ARFGEF2: variants seen among roughly 807,000 people sequenced by gnomAD.
The protein encoded by ARFGEF2 is brefeldin A-inhibited guanine nucleotide-exchange protein 2.
A neutral mutation model predicts 219.9 loss-of-function variants in ARFGEF2; 74 were observed. The observed-to-expected ratio is 0.34, with a 90% CI of 0.28 to 0.41. ARFGEF2 has a LOEUF of 0.41. Among genes scored for constraint, ARFGEF2 ranks in the 10% least tolerant of loss-of-function variants. The pLI is 1.00. For synonymous variants in ARFGEF2, 733 were observed against 799.2 expected (o/e 0.92, Z 1.40); for missense variants, 1,743 against 2,218.3 (o/e 0.79, Z 4.30).
chr20:49,027,865 T>A (rs2091612593), intron 36 of ARFGEF2, among the ~76,000 whole-genome samples: 1 of 152,230 alleles, frequency 6.6e-6, no homozygotes, highest in African/African-American at 2.4e-5. Flanking sequence ...CAGTGGCTCA[T>A]GTCTGTAATC....
At chr20:48,933,926 C>T (rs2090930137) in intron 1 of ARFGEF2, among the ~76,000 whole-genome samples, 1 of 151,944 alleles carries the variant, frequency 6.6e-6, no homozygotes, top group Non-Finnish European at 1.5e-5. Flanking sequence ...TCAAGAACTG[C>T]CTGGCCAACA....
chr20:49,026,341 A>G (rs2091602544), intron 36 of ARFGEF2, among the ~76,000 whole-genome samples: 1 of 152,186 alleles, frequency 6.6e-6, no homozygotes, highest in Admixed American at 6.5e-5. Context: ...AGAAAAAAAA[A>G]AGAAATTTTA....
chr20:48,967,379 A>G (rs1165743497), intron 8 of ARFGEF2, among the ~76,000 whole-genome samples: 1 of 152,226 alleles, frequency 6.6e-6, no homozygotes, highest in Admixed American at 6.5e-5. Context: ...CAGTTTTATC[A>G]TAGGAAATGG....
intron 25 of ARFGEF2, chr20:48,999,344 G>A (rs557253932): frequency 4.5e-5 from 17 of 375,902 alleles, no homozygotes; most frequent in African/African-American, 1.9e-4. Flanking sequence ...CTTCTTCCTC[G>A]TTACCAGAAG....
intron 9 of ARFGEF2, among the ~76,000 whole-genome samples, chr20:48,970,833 T>G (rs1355454926): frequency 6.6e-6 from 1 of 152,134 alleles, no homozygotes; most frequent in Admixed American, 6.6e-5. Context: ...ATTCTTGCAG[T>G]ACAGTTGCAG....
At chr20:48,934,332 G>A (rs571386988) in intron 1 of ARFGEF2, among the ~76,000 whole-genome samples, 16 of 151,440 alleles carry the variant, frequency 1.1e-4, no homozygotes, top group South Asian at 2.1e-4. Flanking sequence ...TTCTCCCTCC[G>A]TTTAAAAAAA....
At chr20:48,989,711 A>T in intron 20 of ARFGEF2, 27 bp downstream of exon 20, 1 of 1,613,856 alleles carries the variant, frequency 6.2e-7, no homozygotes, top group Admixed American at 1.7e-5. Context: ...AACACTCCAG[A>T]GATACTGGTG....
chr20:48,994,167 C>T (rs193283411), intron 21 of ARFGEF2, among the ~76,000 whole-genome samples: 2 of 152,222 alleles, frequency 1.3e-5, no homozygotes, highest in East Asian at 3.9e-4. Context: ...AAAGGAGCAA[C>T]AGTGAGGCCA....
chr20:49,031,956 AT>A, intron 37 of ARFGEF2, 92 bp from the exon 38 acceptor site: 1 of 999,130 alleles, frequency 1.0e-6, no homozygotes, highest in East Asian at 2.4e-5. Flanking sequence ...TGTTAAAATA[AT>A]TTTAAAAATA....
chr20:49,032,336 C>T (rs2091640911), intron 38 of ARFGEF2, among the ~76,000 whole-genome samples, 170 bp downstream of exon 38: 1 of 152,048 alleles, frequency 6.6e-6, no homozygotes, highest in Admixed American at 6.6e-5. Context: ...ACAATGGGTG[C>T]CACAGGATAT....
At chr20:48,953,512 T>C in intron 5 of ARFGEF2, 44 bp from the exon 6 acceptor site, 1 of 1,586,284 alleles carries the variant, frequency 6.3e-7, no homozygotes, top group South Asian at 1.1e-5. Flanking sequence ...GCATAATTTT[T>C]CTTCCTTACC....
At chr20:49,012,151 C>T (rs933195494) in intron 28 of ARFGEF2, 67 bp downstream of exon 28, 3 of 1,604,038 alleles carry the variant, frequency 1.9e-6, no homozygotes, top group Non-Finnish European at 2.6e-6. Flanking sequence ...GAAATTCTTG[C>T]TCCTAACAAA....
At chr20:48,971,780 A>G (rs1435509768) in intron 10 of ARFGEF2, among the ~76,000 whole-genome samples, 1 of 152,136 alleles carries the variant, frequency 6.6e-6, no homozygotes, top group African/African-American at 2.4e-5. Flanking sequence ...AGGCGCCTGT[A>G]GTCCCAGCTA....
Position 48,973,258 on chromosome 20 carries a change from C to T in ARFGEF2, c.1639C>T (p.His547Tyr). Residue 547 changes from histidine to tyrosine, a missense_variant, in exon 12 of 39, where the codon CAT (histidine) becomes TAT (tyrosine). Around this residue, in one of 5 missense-constraint regions of ARFGEF2, gnomAD observed 666 missense variants for 955.4 expected, o/e 0.70. Coordinates refer to ENST00000371917, the MANE Select transcript of ARFGEF2 (RefSeq NM_006420.3). ...CAAAATTGCTCAGGGAAGAAGTGGA[C>T]ATGAGCTGGGAATGACACCTCTGCA... ...LSKIAQGRSG[H>Y]ELGMTPLQEL... 1 of 1,614,142 alleles carries T rather than the reference C, an allele frequency of 6.2e-7. No homozygotes were observed. Among genetic ancestry groups the T allele is most frequent in the Non-Finnish European group, 8.5e-7 (1 of 1,180,030 alleles).
intron 35 of ARFGEF2, among the ~76,000 whole-genome samples, chr20:49,024,742 G>T (rs2091590719): frequency 6.6e-6 from 1 of 152,318 alleles, no homozygotes; most frequent in East Asian, 1.9e-4. Flanking sequence ...GCTCACGCCT[G>T]TAATCCCAGC....
chr20:49,019,232 C>G (rs546164453), intron 34 of ARFGEF2, among the ~76,000 whole-genome samples: 1 of 152,012 alleles, frequency 6.6e-6, no homozygotes, highest in Non-Finnish European at 1.5e-5. Context: ...ATAGTACATA[C>G]GAATTTTCTC....
chr20:48,991,012 A>C, intron 20 of ARFGEF2, 28 bp from the exon 21 acceptor site: 3 of 1,609,584 alleles, frequency 1.9e-6, no homozygotes, highest in South Asian at 1.1e-5. Flanking sequence ...TTGGAGTCAC[A>C]GTGTTCTCTC....
In ARFGEF2 at chr20:49,028,546, T is replaced by C; in HGVS notation, c.4941T>C (p.Ser1647=). The C allele has an allele frequency of 1.2e-6, 2 of 1,614,228 alleles. No homozygotes were observed. Among genetic ancestry groups the C allele is most frequent in the Non-Finnish European group, 1.7e-6 (2 of 1,180,028 alleles). ...VLWRAGFKGK[S]KPNLLKQETS... ...GATCTCTAGGTTTTAAGGGCAAGTC[T>C]AAACCCAATCTTCTAAAACAAGAAA... is the stretch of plus-strand genomic sequence containing the variant. The change falls in exon 37 of 39, where the codon TCT becomes TCC. Residue 1647 remains serine (S), a synonymous_variant. Coordinates refer to ENST00000371917, the MANE Select transcript of ARFGEF2 (RefSeq NM_006420.3).
At chr20:48,924,750 T>C (rs1250876984) in intron 1 of ARFGEF2, among the ~76,000 whole-genome samples, 4 of 152,154 alleles carry the variant, frequency 2.6e-5, no homozygotes, top group Non-Finnish European at 4.4e-5. Context: ...GACTGTATAG[T>C]GTAGATGTTA....
Sources: allele counts gnomAD v4.1 joint callset (sites outside exome capture counted in the v4.1 genomes callset), GRCh38; gene constraint gnomAD v4.1.1; regional missense constraint gnomAD v4.1.1; transcripts MANE v1.5; gene names NCBI Gene and HGNC (gene_info 2026-07-23, HGNC 2026-07-21).